Variants in CTNNBL1 observed in about 807,000 individuals in gnomAD.
CTNNBL1 encodes catenin beta like 1.
CTNNBL1 carries 31 observed loss-of-function variants against 72.7 expected under a neutral mutation model. That is an observed-to-expected ratio of 0.43 (90% CI 0.32 to 0.58). The LOEUF is 0.58. Ranked by LOEUF, CTNNBL1 falls within the 20% of genes least tolerant of loss-of-function variation. The probability of loss-of-function intolerance (pLI) is 0.08; values close to 1 mark genes in which losing one functional copy is unlikely to be tolerated. For synonymous variants in CTNNBL1, 240 were observed against 267.3 expected (o/e 0.90, Z 1.00); for missense variants, 534 against 725.1 (o/e 0.74, Z 3.03).
intron 11 of CTNNBL1, among the ~76,000 whole-genome samples, chr20:37,833,891 G>A (rs1204247781): frequency 6.6e-6 from 1 of 152,166 alleles, no homozygotes; most frequent in African/African-American, 2.4e-5. Flanking sequence ...GAAACTCGGT[G>A]TGTGTATATA....
At chr20:37,700,694 A>G (rs565297815) in intron 1 of CTNNBL1, among the ~76,000 whole-genome samples, 7 of 152,354 alleles carry the variant, frequency 4.6e-5, no homozygotes, top group South Asian at 4.1e-4. Flanking sequence ...ATAGGCGCAT[A>G]TATGAACTCC....
At chr20:37,735,517 T>C (rs776815099) in intron 2 of CTNNBL1, among the ~76,000 whole-genome samples, 11 of 152,316 alleles carry the variant, frequency 7.2e-5, no homozygotes, top group Non-Finnish European at 1.5e-4. Flanking sequence ...CAAAGTAACA[T>C]TGTCCCATGG....
At chr20:37,858,039 A>G (rs1407674307) in intron 13 of CTNNBL1, among the ~76,000 whole-genome samples, 1 of 152,146 alleles carries the variant, frequency 6.6e-6, no homozygotes, top group African/African-American at 2.4e-5. Flanking sequence ...ACACACAAAA[A>G]AGTTTTAATT....
chr20:37,805,043 CCCTGCCAGCTGCTGCCACT>C (rs1323582608), intron 11 of CTNNBL1, among the ~76,000 whole-genome samples: 2 of 152,268 alleles, frequency 1.3e-5, no homozygotes, highest in Non-Finnish European at 2.9e-5. Context: ...CTCCTGCCAC[CCCTGCCAGCTGCTGCCACT>C]CCTACAAACC....
At position 37,871,909 on chromosome 20, in the gene CTNNBL1, A is replaced by G. The variant is rs3746463; in HGVS notation, c.1604-16A>G. 2.5e-6 allele frequency: 4 copies of G among 1,611,706 alleles called. No homozygotes were observed. Among genetic ancestry groups the G allele is most frequent in the East Asian group, 2.2e-5 (1 of 44,850 alleles). The stretch of plus-strand genomic sequence containing the variant: ...ATGCCTGGGATCCACTCCTGACTCT[A>G]TCTTTGTCCCCCTAGAGTATGCAGA... On this transcript the variant is annotated splice_polypyrimidine_tract_variant and intron_variant, in intron 15 of 15. Coordinates refer to ENST00000361383, the MANE Select transcript of CTNNBL1 (RefSeq NM_030877.5).
At chr20:37,852,782 T>A (rs2122843114) in intron 13 of CTNNBL1, among the ~76,000 whole-genome samples, 1 of 152,286 alleles carries the variant, frequency 6.6e-6, no homozygotes, top group African/African-American at 2.4e-5. Flanking sequence ...CTGTACTCAC[T>A]GCAGTGGGTT....
In CTNNBL1 at chr20:37,821,584, CAT is replaced by C. The variant is rs1447780701; in HGVS notation, c.1214-18517_1214-18516del. Among the ~76,000 whole-genome samples, 8 of 152,220 alleles carry C rather than the reference CAT, an allele frequency of 5.3e-5. No individual in the cohort carries two copies. The East Asian group carries it at 1.2e-3, about 22-fold the overall frequency. ...CCTTAGACATCATGTAATTTTACCT[CAT>C]GTGGAATTTTTAATTTATAAAATCA... is the stretch of plus-strand genomic sequence containing the variant. On this transcript the variant is annotated intron_variant, in intron 11 of 15. Transcript: ENST00000361383.
chr20:37,781,699 C>T (rs948402364), intron 10 of CTNNBL1, among the ~76,000 whole-genome samples: 11 of 152,164 alleles, frequency 7.2e-5, no homozygotes, highest in Non-Finnish European at 1.5e-4. Context: ...GTCACCCTTT[C>T]TGATCTTCTA....
At chr20:37,785,931 G>A (rs2073669231) in intron 10 of CTNNBL1, among the ~76,000 whole-genome samples, 1 of 152,224 alleles carries the variant, frequency 6.6e-6, no homozygotes, top group Non-Finnish European at 1.5e-5. Flanking sequence ...TGTGATTTAA[G>A]TCTTTGGTCA....
At chr20:37,776,067 T>G (rs753718004) in intron 7 of CTNNBL1, among the ~76,000 whole-genome samples, 8 of 152,254 alleles carry the variant, frequency 5.3e-5, no homozygotes, top group Admixed American at 2.6e-4. Flanking sequence ...TTCGTTAATA[T>G]GAAACCATTT....
intron 11 of CTNNBL1, chr20:37,832,460 G>A (rs1221365999): frequency 3.3e-5 from 5 of 152,216 alleles, no homozygotes; most frequent in Non-Finnish European, 5.9e-5. Context: ...GGGTTTAATA[G>A]ATGGGAGGGA....
Position 37,757,651 on chromosome 20 carries a change from G to A in CTNNBL1, c.559G>A (p.Ala187Thr), listed in dbSNP as rs771403285. ...SEEGAEVLIDALVDGQVVALL... is the reference protein window; with the variant it reads ...SEEGAEVLIDTLVDGQVVALL... ...AGAGGGAGCAGAAGTGCTCATCGAT[G>A]CTCTGGTAAGTTGCACATCCTCTGG... The change falls in exon 5 of 16, where the codon GCT (alanine) becomes ACT (threonine). Residue 187 changes from alanine (A) to threonine (T), a missense_variant. Physicochemically the swap from Ala to Thr is moderately conservative, Grantham distance 58. Coordinates refer to ENST00000361383, the MANE Select transcript of CTNNBL1 (RefSeq NM_030877.5). 1.9e-6 allele frequency: 3 copies of A among 1,612,112 alleles called. No homozygotes were observed. The South Asian group carries it at 3.3e-5, about 18-fold the overall frequency.
intron 3 of CTNNBL1, among the ~76,000 whole-genome samples, chr20:37,744,038 C>A (rs1373268845): frequency 6.6e-6 from 1 of 151,952 alleles, no homozygotes; most frequent in African/African-American, 2.4e-5. Context: ...AAACACTTTT[C>A]TCTGATTATT....
At chr20:37,831,995 G>C (rs575312840) in intron 11 of CTNNBL1, among the ~76,000 whole-genome samples, 2 of 152,182 alleles carry the variant, frequency 1.3e-5, no homozygotes, top group African/African-American at 4.8e-5. Context: ...ACTTAGATGT[G>C]CTGTGTCCTT....
At chr20:37,803,440 G>A (rs1030392976) in intron 11 of CTNNBL1, among the ~76,000 whole-genome samples, 1 of 152,150 alleles carries the variant, frequency 6.6e-6, no homozygotes, top group Non-Finnish European at 1.5e-5. Flanking sequence ...GTATGATTCA[G>A]CCAACATCAG....
intron 6 of CTNNBL1, among the ~76,000 whole-genome samples, chr20:37,767,122 C>T (rs918655260): frequency 2.0e-5 from 3 of 151,994 alleles, no homozygotes; most frequent in Admixed American, 6.6e-5. Flanking sequence ...AAATTCACAC[C>T]CAATGTGTTC....
intron 3 of CTNNBL1, among the ~76,000 whole-genome samples, chr20:37,743,291 G>A (rs1192356738): frequency 1.3e-5 from 2 of 151,986 alleles, no homozygotes; most frequent in Admixed American, 6.6e-5. Flanking sequence ...GAGGTTTGTT[G>A]AGGCCTTTGG....
chr20:37,828,905 A>G (rs925186781), intron 11 of CTNNBL1, among the ~76,000 whole-genome samples: 2 of 152,366 alleles, frequency 1.3e-5, no homozygotes, highest in African/African-American at 2.4e-5. Flanking sequence ...AGGGAAAAAA[A>G]TAATAATAAA....
chr20:37,773,439 A>G lies in CTNNBL1; in HGVS notation c.751-3906A>G, dbSNP rs563051285. On this transcript the variant is annotated intron_variant, in intron 7 of 15. Transcript: ENST00000361383. ...GTACATGCTGAGTACAAACCTATGC[A>G]TGACTCTATAATTACTCTGACAGCT... Among the ~76,000 whole-genome samples, 97 of 152,354 alleles carry G rather than the reference A, an allele frequency of 6.4e-4. 1 individual carries two copies. The highest frequency in any genetic ancestry group is 1.4e-3 in the Admixed American group (21 of 15,302).
Sources: gnomAD v4.1 joint callset for allele counts (sites outside exome capture counted in the v4.1 genomes callset) on GRCh38, gnomAD v4.1.1 for gene constraint, MANE v1.5 for transcripts, NCBI Gene and HGNC (gene_info 2026-07-23, HGNC 2026-07-21) for gene names.